Variants in SERPINE2 observed in about 807,000 individuals in gnomAD.
SERPINE2 encodes the protein glia-derived nexin.
SERPINE2 carries 14 observed loss-of-function variants against 36.3 expected under a neutral mutation model. The ratio of observed to expected loss-of-function variants is 0.39; its 90% confidence interval spans 0.25 to 0.60. The LOEUF (loss-of-function observed/expected upper bound fraction) is 0.60, where lower values mean the gene tolerates loss of function less well. Among genes scored for constraint, SERPINE2 ranks in the 20% least tolerant of loss-of-function variants. The pLI, the probability that SERPINE2 is intolerant of heterozygous loss-of-function variation, is 0.57. For missense variants in SERPINE2, 418 were observed against 499.6 expected, an observed-to-expected ratio of 0.84 and a Z score of 1.56; for synonymous variants, 192 against 191.8, an observed-to-expected ratio of 1.00 and a Z score of -0.01.
Position 223,992,013 on chromosome 2 carries a change from A to T in SERPINE2, c.488-13T>A. 1 of 1,612,732 alleles carries T rather than the reference A, an allele frequency of 6.2e-7. No homozygotes were observed. The highest frequency in any genetic ancestry group is 8.5e-7 in the Non-Finnish European group (1 of 1,179,278). On this transcript the variant is annotated splice_polypyrimidine_tract_variant and intron_variant, in intron 3 of 8. Transcript: ENST00000409304. ...TTGTCAATCATATCTGTGAAGCCAA[A>T]GAACAAACAAGGGAAAAATAACCTC...
chr2:223,998,093 A>G (rs1690964057), intron 3 of SERPINE2, 22 bp downstream of exon 3: 1 of 1,579,404 alleles, frequency 6.3e-7, no homozygotes, highest in South Asian at 1.1e-5. Context: ...ATGCAATCAA[A>G]TGACATACTG....
intron 2 of SERPINE2, among the ~76,000 whole-genome samples, chr2:224,000,466 G>C (rs539251777): frequency 6.6e-6 from 1 of 152,000 alleles, no homozygotes; most frequent in South Asian, 2.1e-4. Flanking sequence ...TTTTTCATTG[G>C]GCCTTACTTT....
At chr2:223,976,755 T>A (rs751104660) in intron 8 of SERPINE2, among the ~76,000 whole-genome samples, 2 of 152,196 alleles carry the variant, frequency 1.3e-5, no homozygotes, top group Non-Finnish European at 2.9e-5. Flanking sequence ...CAGAGCCAAG[T>A]TTGAACCATG....
At chr2:224,015,313 G>A (rs536754069) in intron 1 of SERPINE2, among the ~76,000 whole-genome samples, 143 of 152,314 alleles carry the variant, frequency 9.4e-4, no homozygotes, top group Non-Finnish European at 1.5e-3. Context: ...AATGGAAGCA[G>A]AGGCACACCT....
At chr2:223,984,718 C>G in intron 5 of SERPINE2, 34 bp downstream of exon 5, 1 of 1,596,032 alleles carries the variant, frequency 6.3e-7, no homozygotes, top group Non-Finnish European at 8.6e-7. Flanking sequence ...TTGAATAATG[C>G]CACTGTTTTC....
intron 4 of SERPINE2, among the ~76,000 whole-genome samples, chr2:223,990,824 A>C (rs1690633296): frequency 6.6e-6 from 1 of 152,144 alleles, no homozygotes. Context: ...CAAAAAGTAA[A>C]AAAATTAGCT....
chr2:223,994,283 G>GCT (rs1321694896), intron 3 of SERPINE2, among the ~76,000 whole-genome samples: 1 of 152,204 alleles, frequency 6.6e-6, no homozygotes, highest in Admixed American at 6.5e-5. Context: ...TACAGGCAGT[G>GCT]CTCAATAACT....
intron 2 of SERPINE2, among the ~76,000 whole-genome samples, chr2:223,998,935 T>C (rs1690999639): frequency 6.6e-6 from 1 of 152,192 alleles, no homozygotes; most frequent in Non-Finnish European, 1.5e-5. Flanking sequence ...CATGGTAGCC[T>C]TTCTGGGCAC....
intron 4 of SERPINE2, among the ~76,000 whole-genome samples, chr2:223,989,977 TGGGA>T (rs1198242379): frequency 1.3e-5 from 2 of 152,074 alleles, no homozygotes; most frequent in Non-Finnish European, 2.9e-5. Context: ...AGCCTTGGGC[TGGGA>T]GGGAGGAAGA....
At chr2:224,033,509 G>A (rs1332805263) in intron 1 of SERPINE2, among the ~76,000 whole-genome samples, 1 of 152,080 alleles carries the variant, frequency 6.6e-6, no homozygotes, top group African/African-American at 2.4e-5. Flanking sequence ...ACACCTTTTA[G>A]ATCATTTATT....
At chr2:224,037,889 T>C (rs1692583079) in intron 1 of SERPINE2, among the ~76,000 whole-genome samples, 1 of 152,262 alleles carries the variant, frequency 6.6e-6, no homozygotes. Flanking sequence ...TTTCAAACAT[T>C]ATTTTAACAA....
At chr2:224,024,089 T>C (rs1386479853) in intron 1 of SERPINE2, among the ~76,000 whole-genome samples, 1 of 152,178 alleles carries the variant, frequency 6.6e-6, no homozygotes, top group Admixed American at 6.5e-5. Flanking sequence ...TAAAAATATA[T>C]GTATCTGTAG....
intron 1 of SERPINE2, among the ~76,000 whole-genome samples, chr2:224,009,326 G>A (rs1691541238): frequency 6.6e-6 from 1 of 152,070 alleles, no homozygotes; most frequent in Non-Finnish European, 1.5e-5. Context: ...ACAGCAGGTA[G>A]AGAAAAACAG....
At chr2:223,979,065 G>A (rs893644025) in intron 7 of SERPINE2, 14 of 152,096 alleles carry the variant, frequency 9.2e-5, no homozygotes, top group African/African-American at 3.4e-4. Context: ...TGAACTCGCA[G>A]CCTCCAGAAG....
At chr2:224,036,896 A>G (rs1692554615) in intron 1 of SERPINE2, among the ~76,000 whole-genome samples, 1 of 151,468 alleles carries the variant, frequency 6.6e-6, no homozygotes, top group Admixed American at 6.6e-5. Flanking sequence ...AGTAACACTC[A>G]CAAGGAGAGA....
intron 2 of SERPINE2, chr2:224,001,409 C>G: frequency 2.1e-6 from 1 of 481,518 alleles, no homozygotes; most frequent in South Asian, 3.6e-5. Flanking sequence ...GACCTAGTGG[C>G]AGACCCCAAG....
chr2:224,008,736 C>G (rs187339586), intron 1 of SERPINE2, among the ~76,000 whole-genome samples: 7 of 152,170 alleles, frequency 4.6e-5, no homozygotes, highest in African/African-American at 1.2e-4. Flanking sequence ...CACTGAGCAC[C>G]CTTATCTAAT....
chr2:223,988,360 C>A (rs1038898718), intron 4 of SERPINE2, among the ~76,000 whole-genome samples: 1 of 151,938 alleles, frequency 6.6e-6, no homozygotes, highest in African/African-American at 2.4e-5. Context: ...TTTGTAGAGA[C>A]AGGGTCTCGC....
intron 7 of SERPINE2, chr2:223,979,513 G>A (rs1009965909): frequency 6.6e-6 from 1 of 152,198 alleles, no homozygotes; most frequent in African/African-American, 2.4e-5. Flanking sequence ...CCAGCTGCAA[G>A]TGTAGCTAAG....
Sources: gnomAD v4.1 joint callset for allele counts (sites outside exome capture counted in the v4.1 genomes callset) on GRCh38, gnomAD v4.1.1 for gene constraint, MANE v1.5 for transcripts, NCBI Gene and HGNC (gene_info 2026-07-23, HGNC 2026-07-21) for gene names.